Variants in KIF26A observed in about 807,000 individuals in gnomAD.
KIF26A encodes the protein kinesin-like protein KIF26A.
In KIF26A, 74 loss-of-function variants were observed where a neutral mutation model predicts 126.0. That is an observed-to-expected ratio of 0.59 (90% CI 0.49 to 0.71). The LOEUF is 0.71. Among genes scored for constraint, KIF26A ranks in the 30% least tolerant of loss-of-function variants. The probability of loss-of-function intolerance (pLI) is 0.00; values close to 1 mark genes in which losing one functional copy is unlikely to be tolerated. For synonymous variants in KIF26A, 1,445 were observed against 1,232.7 expected (o/e 1.17, Z -3.61); for missense variants, 2,984 against 2,763.3 (o/e 1.08, Z -1.79).
At position 104,175,040 on chromosome 14, in the gene KIF26A, C is replaced by T. The variant is rs1299157016; in HGVS notation, c.2252C>T (p.Pro751Leu). The stretch of plus-strand genomic sequence containing the variant: ...TGTGAGGAAGGCCGGGCCCGTCGGC[C>T]CCCGCACCTGCGGCCCTTCCACCCA... ...SSCEEGRARR[P>L]PHLRPFHPRT... Residue 751 changes from proline to leucine, a missense_variant, in exon 12 of 15, where the codon CCC becomes CTC. Physicochemically the swap from Pro to Leu is moderately conservative, Grantham distance 98 (BLOSUM62 -3). Transcript: ENST00000423312. 11 of 1,570,250 alleles carry T rather than the reference C, an allele frequency of 7.0e-6. No individual in the cohort carries two copies. In the Admixed American group the frequency reaches 1.6e-4, roughly 24 times the overall value.
Position 104,158,979 on chromosome 14 carries a change from C to T in KIF26A, c.923+1037C>T, listed in dbSNP as rs1208258893. On this transcript the variant is annotated intron_variant, in intron 4 of 14. Transcript: ENST00000423312. ...AAGCTTGAACATGCATCACACCCAG[C>T]GGCCAGAGACGAGGGCGTCTTATCA... Among the ~76,000 whole-genome samples the T allele has an allele frequency of 2.6e-5, 4 of 152,240 alleles. 1 individual carries two copies. The highest frequency in any genetic ancestry group is 2.0e-4 in the Admixed American group (3 of 15,292).
At chr14:104,178,418 C>T (rs922292696) in intron 12 of KIF26A, 132 bp from the exon 13 acceptor site, 4 of 665,204 alleles carry the variant, frequency 6.0e-6, no homozygotes, top group Non-Finnish European at 9.3e-6. Context: ...AGAGCGCCAG[C>T]CTGAGGATTC....
chr14:104,138,623 G>C lies in KIF26A; in HGVS notation c.-100G>C, dbSNP rs1408736674. ...CTGCGAACTTCCGAGCGGCTGGGCC[G>C]GGCCATGGGGGCGCCTCGGGGCCGG... On this transcript the variant is annotated 5_prime_UTR_variant, in exon 1 of 15. Transcript: ENST00000423312. 4 of 960,236 alleles carry C rather than the reference G, an allele frequency of 4.2e-6. No homozygotes were observed. Among genetic ancestry groups the C allele is most frequent in the Non-Finnish European group, 5.3e-6 (4 of 752,372 alleles). The allele number at this position is 960,236 out of a possible 1,614,324, so 59.5% of individuals were successfully genotyped here.
chr14:104,174,779 T>A (rs1287731501), intron 11 of KIF26A, among the ~76,000 whole-genome samples: 77 of 152,144 alleles, frequency 5.1e-4, no homozygotes, highest in Admixed American at 5.0e-3. Context: ...CCGTTTTCCT[T>A]GTAAAGTTGC....
Position 104,178,587 on chromosome 14 carries a change from C to A in KIF26A, c.5148C>A (p.Pro1716=). ...GGCGCCTGATTCCCGCCCCACTGCC[C>A]GACACCACTGCCCTGGGCCGTAAGC... ...QRRRLIPAPL[P]DTTALGRKPS... is the part of the protein sequence containing the mutation. Residue 1716 remains proline (P), a synonymous_variant, in exon 13 of 15, where the codon CCC becomes CCA. Transcript: ENST00000423312. 1 of 1,523,370 alleles carries A rather than the reference C, an allele frequency of 6.6e-7. No individual in the cohort carries two copies. The allele number at this position is 1,523,370 out of a possible 1,614,324, so 94.4% of individuals were successfully genotyped here. A position where few individuals can be genotyped will look rare whatever the true frequency, so the allele number is the denominator to read the frequency against.
Position 104,138,690 on chromosome 14 carries a change from G to A in KIF26A, c.-33G>A. The A allele has an allele frequency of 7.9e-7, 1 of 1,266,096 alleles. No homozygotes were observed. Among genetic ancestry groups the A allele is most frequent in the Admixed American group, 3.9e-5 (1 of 25,728 alleles). 78.4% of individuals were successfully genotyped at this position (1,266,096 alleles called of 1,614,324 possible). A position where few individuals can be genotyped will look rare whatever the true frequency, so the allele number is the denominator to read the frequency against. ...GCCCCCGGAGAGCCAGCGTGGCCGGGAGCGCCTGCCGGGCTCTTCCCGCGC... is the reference window on the plus strand; with the variant it reads ...GCCCCCGGAGAGCCAGCGTGGCCGGAAGCGCCTGCCGGGCTCTTCCCGCGC... On this transcript the variant is annotated 5_prime_UTR_variant, in exon 1 of 15. Transcript: ENST00000423312.
At chr14:104,163,372 A>G (rs1011133329) in intron 4 of KIF26A, among the ~76,000 whole-genome samples, 1 of 152,112 alleles carries the variant, frequency 6.6e-6, no homozygotes, top group African/African-American at 2.4e-5. Context: ...AGACGCACAG[A>G]CACACAGACA....
chr14:104,179,941 A>C lies in KIF26A; in HGVS notation c.*151A>C. On this transcript the variant is annotated 3_prime_UTR_variant, in exon 15 of 15. Coordinates refer to ENST00000423312, the MANE Select transcript of KIF26A (RefSeq NM_015656.2). ...TCAGAGAGGAGACGGAGTGTGGGGG[A>C]GGGAGGGCCGGCCACGCGGTGGACA... The C allele has an allele frequency of 3.7e-6, 3 of 816,216 alleles. No individual in the cohort carries two copies. Among genetic ancestry groups the C allele is most frequent in the Non-Finnish European group, 5.4e-6 (3 of 553,416 alleles). The allele number at this position is 816,216 out of a possible 1,614,324, so 50.6% of individuals were successfully genotyped here.
chr14:104,164,414 G>A (rs1443462857), intron 4 of KIF26A, among the ~76,000 whole-genome samples: 2 of 152,122 alleles, frequency 1.3e-5, no homozygotes, highest in Non-Finnish European at 2.9e-5. Flanking sequence ...GTGTGTGTTC[G>A]TTCACCCCTG....
chr14:104,140,157 A>ACCC (rs1481884651), intron 2 of KIF26A, among the ~76,000 whole-genome samples: 1 of 152,026 alleles, frequency 6.6e-6, no homozygotes, highest in African/African-American at 2.4e-5. Flanking sequence ...GTGAGCTGAG[A>ACCC]CCCTGACTGC....
chr14:104,147,211 C>G (rs1244128623), intron 2 of KIF26A, among the ~76,000 whole-genome samples: 1 of 152,196 alleles, frequency 6.6e-6, no homozygotes, highest in African/African-American at 2.4e-5. Context: ...GCCATCCTTG[C>G]CTGTCTGGCC....
chr14:104,141,887 G>A (rs2037640877), intron 2 of KIF26A, among the ~76,000 whole-genome samples: 1 of 152,206 alleles, frequency 6.6e-6, no homozygotes, highest in South Asian at 2.1e-4. Context: ...CCTGCTCTGC[G>A]ACATGGGACC....
intron 4 of KIF26A, among the ~76,000 whole-genome samples, chr14:104,162,718 T>G (rs1054411121): frequency 6.6e-6 from 1 of 151,980 alleles, no homozygotes; most frequent in Admixed American, 6.6e-5. Flanking sequence ...GGGCGTGACC[T>G]CTCCCCATCC....
intron 4 of KIF26A, among the ~76,000 whole-genome samples, chr14:104,160,929 A>T (rs2037827319): frequency 6.6e-6 from 1 of 152,150 alleles, no homozygotes; most frequent in South Asian, 2.1e-4. Context: ...TCCCCACCCC[A>T]CTGTGGCCTC....
intron 12 of KIF26A, 42 bp downstream of exon 12, chr14:104,177,940 T>C: frequency 2.1e-6 from 3 of 1,454,140 alleles, no homozygotes; most frequent in Non-Finnish European, 2.7e-6. Flanking sequence ...TTACGGGCTT[T>C]CTGTGTGTAG....
At chr14:104,163,016 G>A (rs1177651771) in intron 4 of KIF26A, among the ~76,000 whole-genome samples, 1 of 152,216 alleles carries the variant, frequency 6.6e-6, no homozygotes, top group Non-Finnish European at 1.5e-5. Flanking sequence ...TGCTAGATGC[G>A]GATGTTTTCC....
In KIF26A at chr14:104,177,008, G is replaced by C; in HGVS notation, c.4220G>C (p.Arg1407Pro). 1 of 1,553,416 alleles carries C rather than the reference G, an allele frequency of 6.4e-7. No individual in the cohort carries two copies. Among genetic ancestry groups the C allele is most frequent in the Non-Finnish European group, 8.6e-7 (1 of 1,157,134 alleles). ...GAGGAGGAGCCCAGACCCAGCAGCC[G>C]GGCTGACCACTCTGTCCCCAGGGCC... is the stretch of plus-strand genomic sequence containing the variant. ...RGEEEPRPSS[R>P]ADHSVPRATS... The change falls in exon 12 of 15, where the codon CGG (arginine) becomes CCG (proline). Residue 1407 changes from arginine (R) to proline (P), a missense_variant. Arg to Pro is a moderately radical substitution (Grantham distance 103). Transcript: ENST00000423312.
At chr14:104,142,042 T>TTGC (rs149724499) in intron 2 of KIF26A, among the ~76,000 whole-genome samples, 6,390 of 152,248 alleles carry the variant, frequency 0.042, 293 homozygotes, top group African/African-American at 0.11. Context: ...TACCTCTCCC[T>TTGC]TGCTGTGTGC....
intron 5 of KIF26A, among the ~76,000 whole-genome samples, chr14:104,167,720 G>C (rs1455135419): frequency 6.6e-6 from 1 of 152,156 alleles, no homozygotes; most frequent in East Asian, 1.9e-4. Context: ...CATTGAGTCA[G>C]GTGGGCTCTT....
Sources: allele counts gnomAD v4.1 joint callset (sites outside exome capture counted in the v4.1 genomes callset), GRCh38; gene constraint gnomAD v4.1.1; transcripts MANE v1.5; gene names NCBI Gene and HGNC (gene_info 2026-07-23, HGNC 2026-07-21).